FANCI: variants seen among roughly 807,000 people sequenced by gnomAD.
The protein encoded by FANCI is Fanconi anemia group I protein.
FANCI carries 156 observed loss-of-function variants against 176.1 expected under a neutral mutation model. The observed-to-expected ratio is 0.89, with a 90% CI of 0.78 to 1.01. FANCI has a LOEUF of 1.01. FANCI is among the 50% of genes least tolerant of loss of function. The pLI, the probability that FANCI is intolerant of heterozygous loss-of-function variation, is 0.00. For missense variants in FANCI, 1,678 were observed against 1,534.1 expected, an observed-to-expected ratio of 1.09 and a Z score of -1.57; for synonymous variants, 613 against 541.7, an observed-to-expected ratio of 1.13 and a Z score of -1.83.
At chr15:89,253,796 G>GGT (rs2052375512) in intron 2 of FANCI, among the ~76,000 whole-genome samples, 1 of 133,736 alleles carries the variant, frequency 7.5e-6, no homozygotes, top group Non-Finnish European at 1.6e-5. Flanking sequence ...TGGGGGGGGG[G>GGT]GGGAAGATAA....
At chr15:89,268,658 T>C in intron 10 of FANCI, 133 bp downstream of exon 10, 1 of 1,140,014 alleles carries the variant, frequency 8.8e-7, no homozygotes, top group Non-Finnish European at 1.3e-6. Context: ...TCTCTTTTTT[T>C]TTTTTTACTT....
intron 25 of FANCI, 92 bp from the exon 26 acceptor site, chr15:89,300,208 C>T: frequency 1.5e-6 from 2 of 1,291,020 alleles, no homozygotes; most frequent in Non-Finnish European, 2.2e-6. Context: ...TGCCTTTAGA[C>T]TTTTTTTTGG....
Position 89,266,480 on chromosome 15 carries a change from C to T in FANCI, c.755+1873C>T, listed in dbSNP as rs551579031. Among the ~76,000 whole-genome samples, 32 of 150,518 alleles carry T rather than the reference C, an allele frequency of 2.1e-4. No individual in the cohort carries two copies. The East Asian group carries it at 4.5e-3, about 21-fold the overall frequency. The stretch of plus-strand genomic sequence containing the variant: ...AGTAGCTGGGGTTACAGGTGCGTGC[C>T]ACCACGCCCGGCTACTTTTTGTATT... On this transcript the variant is annotated intron_variant, in intron 9 of 37. Transcript: ENST00000310775.
intron 2 of FANCI, among the ~76,000 whole-genome samples, chr15:89,256,383 T>C (rs976818461): frequency 6.6e-6 from 1 of 152,216 alleles, no homozygotes. Context: ...TGTTGGAAGG[T>C]ATAGGCAAGA....
At chr15:89,290,321 C>G in intron 19 of FANCI, 40 bp downstream of exon 19, 10 of 1,471,744 alleles carry the variant, frequency 6.8e-6, no homozygotes, top group Non-Finnish European at 9.5e-6. Context: ...AACAGACCAT[C>G]AAGGATCGAG....
chr15:89,290,550 T>G (rs1481277610), intron 19 of FANCI: 2 of 451,432 alleles, frequency 4.4e-6, no homozygotes, highest in African/African-American at 3.9e-5. Context: ...ACCATTTATA[T>G]AAGGACCATT....
chr15:89,262,026 G>A (rs184863079), intron 6 of FANCI, 148 bp downstream of exon 6: 1 of 704,478 alleles, frequency 1.4e-6, no homozygotes, highest in Non-Finnish European at 2.5e-6. Context: ...AGTCTGCAAT[G>A]AATTAGTGAG....
intron 1 of FANCI, among the ~76,000 whole-genome samples, chr15:89,244,616 C>G (rs138157050): frequency 2.1e-3 from 319 of 152,232 alleles, no homozygotes; most frequent in Non-Finnish European, 3.4e-3. Flanking sequence ...TATCCCCCTC[C>G]GAAGCCGCCT....
At position 89,301,576 on chromosome 15, in the gene FANCI, G is replaced by A. The variant is rs2151861260; in HGVS notation, c.3006+134G>A. 2.0e-5 allele frequency: 15 copies of A among 762,332 alleles called. No homozygotes were observed. The South Asian group carries it at 2.1e-4, about 11-fold the overall frequency. The allele number at this position is 762,332 out of a possible 1,614,324, so 47.2% of individuals were successfully genotyped here. A position where few individuals can be genotyped will look rare whatever the true frequency, so the allele number is the denominator to read the frequency against. On this transcript the variant is annotated intron_variant, in intron 27 of 37. Coordinates refer to ENST00000310775, the MANE Select transcript of FANCI (RefSeq NM_001113378.2). ...ATAATGTGTTTAATTATACACCTGA[G>A]TTAATATAAGACCTATAAGATGTAT...
At chr15:89,258,683 T>G in intron 2 of FANCI, 21 bp from the exon 3 acceptor site, 1 of 1,600,162 alleles carries the variant, frequency 6.2e-7, no homozygotes, top group Non-Finnish European at 8.6e-7. Context: ...CAGAGACTTG[T>G]ACCTTTTTCT....
rs868672734 is a variant in FANCI, at chr15:89,314,846, C to T, written c.3816+139C>T. ...TTGCCATCCCCCCTCTCCCCCCCCC[C>T]CCCTTTTTTTTTTTGAGACTGTGTC... is the stretch of plus-strand genomic sequence containing the variant. On this transcript the variant is annotated intron_variant, in intron 36 of 37. Transcript: ENST00000310775. The T allele has an allele frequency of 7.3e-3, 3,995 of 550,844 alleles. 199 individuals carry two copies. The highest frequency in any genetic ancestry group is 0.069 in the African/African-American group (3,154 of 45,662). The allele number at this position is 550,844 out of a possible 1,614,324, so 34.1% of individuals were successfully genotyped here. A position where few individuals can be genotyped will look rare whatever the true frequency, so the allele number is the denominator to read the frequency against.
rs139814895 is a variant in FANCI at position 89,292,706 on chromosome 15, A to G, written c.2011A>G (p.Ile671Val). Residue 671 changes from isoleucine to valine, a missense_variant, in exon 21 of 38, where the codon ATT (isoleucine) becomes GTT (valine). By Grantham distance (29) the Ile-to-Val change is conservative. This residue lies in a region of FANCI where 1,204 missense variants were observed against 1,077.4 expected (regional missense o/e 1.12). Coordinates refer to ENST00000310775, the MANE Select transcript of FANCI (RefSeq NM_001113378.2). ...CCTACAGGATTATCTGCTGTGTTGT[A>G]TTCAGCATTGTTTGGCCTGGTATAA... ...QEPLDYLLCC[I>V]QHCLAWYKNT... The G allele has an allele frequency of 2.1e-3, 3,411 of 1,613,706 alleles. 36 individuals are homozygous for G. Among genetic ancestry groups the G allele is most frequent in the East Asian group, 0.014 (650 of 44,858 alleles).
At chr15:89,245,551 G>A (rs2051926646) in intron 1 of FANCI, among the ~76,000 whole-genome samples, 1 of 151,642 alleles carries the variant, frequency 6.6e-6, no homozygotes, top group South Asian at 2.1e-4. Context: ...GGATTTGTAG[G>A]AATTAGTAAT....
chr15:89,245,149 A>ATAC (rs2051890115), intron 1 of FANCI: 1 of 149,920 alleles, frequency 6.7e-6, no homozygotes, highest in African/African-American at 2.5e-5. Flanking sequence ...TTAACAACCT[A>ATAC]TACTGAGCTT....
At chr15:89,249,079 A>G (rs1183563262) in intron 2 of FANCI, among the ~76,000 whole-genome samples, 1 of 152,138 alleles carries the variant, frequency 6.6e-6, no homozygotes, top group Non-Finnish European at 1.5e-5. Context: ...ATCTTGTTTT[A>G]CTCCATCAAG....
intron 37 of FANCI, 113 bp downstream of exon 37, chr15:89,315,502 G>A (rs768149143): frequency 2.7e-6 from 2 of 750,588 alleles, no homozygotes; most frequent in East Asian, 2.7e-5. Flanking sequence ...GGGCTAAAAG[G>A]TGATCAGGCA....
chr15:89,307,805 C>T (rs190262783), intron 34 of FANCI, 133 bp downstream of exon 34: 2 of 1,556,224 alleles, frequency 1.3e-6, no homozygotes, highest in Admixed American at 1.9e-5. Context: ...AGGCACCCAT[C>T]AGAGACCAAG....
chr15:89,292,065 T>C (rs952813774), intron 20 of FANCI, among the ~76,000 whole-genome samples: 4 of 152,206 alleles, frequency 2.6e-5, no homozygotes, highest in African/African-American at 9.7e-5. Context: ...TTCATTAGTC[T>C]AGAGGAAGTA....
At chr15:89,277,318 A>C (rs909207525) in intron 13 of FANCI, among the ~76,000 whole-genome samples, 11 of 77,304 alleles carry the variant, frequency 1.4e-4, no homozygotes, top group Non-Finnish European at 3.2e-4. Flanking sequence ...AATAAAACAA[A>C]AAAAGAATCA....
Sources: gnomAD v4.1 joint callset for allele counts (sites outside exome capture counted in the v4.1 genomes callset) on GRCh38, gnomAD v4.1.1 for gene constraint, gnomAD v4.1.1 regional missense constraint, MANE v1.5 for transcripts, NCBI Gene and HGNC (gene_info 2026-07-23, HGNC 2026-07-21) for gene names.